Variants in TBC1D4 observed in about 807,000 individuals in gnomAD.
The protein encoded by TBC1D4 is TBC1 domain family member 4, also known as TBC (Tre-2, BUB2, CDC16) domain-containing protein.
Under a neutral mutation model 142.5 loss-of-function variants are expected in TBC1D4, and 121 were observed. The observed-to-expected ratio is 0.85, with a 90% CI of 0.73 to 0.99. The LOEUF (loss-of-function observed/expected upper bound fraction) is 0.99, where lower values mean the gene tolerates loss of function less well. Ranked by LOEUF, TBC1D4 falls within the 50% of genes least tolerant of loss-of-function variation. TBC1D4 has a pLI of 0.00. For missense variants in TBC1D4, 1,475 were observed against 1,606.6 expected, an observed-to-expected ratio of 0.92 and a Z score of 1.40; for synonymous variants, 630 against 628.2, an observed-to-expected ratio of 1.00 and a Z score of -0.04.
intron 1 of TBC1D4, among the ~76,000 whole-genome samples, chr13:75,417,922 T>C (rs2138106522): frequency 6.6e-6 from 1 of 152,316 alleles, no homozygotes; most frequent in South Asian, 2.1e-4. Flanking sequence ...ATCTTCCACA[T>C]TTGTCAACGT....
chr13:75,384,567 A>T (rs1480470315), intron 1 of TBC1D4, among the ~76,000 whole-genome samples: 1 of 147,980 alleles, frequency 6.8e-6, no homozygotes, highest in Non-Finnish European at 1.5e-5. Flanking sequence ...AAAGGAAAAA[A>T]AAAAAGTTTC....
At chr13:75,319,910 T>G in intron 12 of TBC1D4, 104 bp downstream of exon 12, 1 of 1,183,598 alleles carries the variant, frequency 8.4e-7, no homozygotes, top group Non-Finnish European at 1.2e-6. Flanking sequence ...AAAGATGGCA[T>G]GCATTCAGGA....
At chr13:75,452,995 G>A (rs1218157502) in intron 1 of TBC1D4, among the ~76,000 whole-genome samples, 2 of 152,040 alleles carry the variant, frequency 1.3e-5, no homozygotes, top group East Asian at 3.9e-4. Flanking sequence ...AAAAATGTTG[G>A]CAATGGTAGG....
chr13:75,479,600 G>A, intron 1 of TBC1D4, among the ~76,000 whole-genome samples: 1 of 151,926 alleles, frequency 6.6e-6, no homozygotes, highest in East Asian at 1.9e-4. Flanking sequence ...TCGCTGGGGG[G>A]AAATAACTTT....
intron 1 of TBC1D4, among the ~76,000 whole-genome samples, chr13:75,436,549 A>G: frequency 6.6e-6 from 1 of 151,940 alleles, no homozygotes; most frequent in South Asian, 2.1e-4. Context: ...CCAGCTACTC[A>G]GGAGGCTGAG....
intron 1 of TBC1D4, among the ~76,000 whole-genome samples, chr13:75,447,684 A>C (rs1484355238): frequency 8.5e-5 from 13 of 152,130 alleles, no homozygotes; most frequent in Admixed American, 8.5e-4. Flanking sequence ...CAGGTGAGGT[A>C]GCAAACCTTT....
At position 75,454,496 on chromosome 13, in the gene TBC1D4, G is replaced by A. The variant is rs117687861; in HGVS notation, c.498+26774C>T. On this transcript the variant is annotated intron_variant, in intron 1 of 20. Coordinates refer to ENST00000377636, the MANE Select transcript of TBC1D4 (RefSeq NM_014832.5). Reference sequence around the variant, plus strand: ...ATTTATCCTCAATATTTAAAAATACGATTCACATGAAATTACAGCTGCATG... The same window carrying A: ...ATTTATCCTCAATATTTAAAAATACAATTCACATGAAATTACAGCTGCATG... 1.2e-3 allele frequency among the ~76,000 whole-genome samples: 179 copies of A among 152,160 alleles called. 1 individual carries two copies. In the East Asian group the frequency reaches 0.029, roughly 25 times the overall value.
At chr13:75,358,598 C>T (rs1209853122) in intron 3 of TBC1D4, among the ~76,000 whole-genome samples, 3 of 152,044 alleles carry the variant, frequency 2.0e-5, no homozygotes, top group Admixed American at 2.0e-4. Context: ...TTGTTAATCC[C>T]AGCACTTTGG....
At chr13:75,479,609 T>G (rs1435237506) in intron 1 of TBC1D4, among the ~76,000 whole-genome samples, 1 of 151,842 alleles carries the variant, frequency 6.6e-6, no homozygotes, top group Non-Finnish European at 1.5e-5. Flanking sequence ...GGAAATAACT[T>G]TAACAGAAAC....
chr13:75,470,476 T>C (rs990532097), intron 1 of TBC1D4, among the ~76,000 whole-genome samples: 3 of 152,026 alleles, frequency 2.0e-5, no homozygotes, highest in African/African-American at 7.2e-5. Flanking sequence ...GGGGTCAGGG[T>C]TGGGGTCCAG....
At chr13:75,407,014 TG>T (rs1321205446) in intron 1 of TBC1D4, among the ~76,000 whole-genome samples, 3 of 152,088 alleles carry the variant, frequency 2.0e-5, no homozygotes, top group Non-Finnish European at 4.4e-5. Context: ...CAGGCATTCG[TG>T]ATAAACTGAG....
At chr13:75,426,104 A>G (rs1316710127) in intron 1 of TBC1D4, among the ~76,000 whole-genome samples, 5 of 152,184 alleles carry the variant, frequency 3.3e-5, no homozygotes. Flanking sequence ...ATCAATTGAA[A>G]TAAAATTTTT....
intron 8 of TBC1D4, among the ~76,000 whole-genome samples, chr13:75,334,118 TATG>T (rs1432528018): frequency 6.6e-6 from 1 of 152,210 alleles, no homozygotes; most frequent in East Asian, 1.9e-4. Context: ...ATATCTTATT[TATG>T]ATAAAACTTT....
intron 1 of TBC1D4, among the ~76,000 whole-genome samples, chr13:75,370,729 T>C (rs1257689445): frequency 1.3e-5 from 2 of 152,124 alleles, no homozygotes; most frequent in Non-Finnish European, 2.9e-5. Flanking sequence ...CTTATAGACA[T>C]TCAAGAGGAG....
chr13:75,303,700 T>C (rs1473057183), intron 15 of TBC1D4, among the ~76,000 whole-genome samples: 1 of 152,218 alleles, frequency 6.6e-6, no homozygotes, highest in Non-Finnish European at 1.5e-5. Context: ...GAAAGTATTA[T>C]TGTCCGACAG....
chr13:75,364,382 T>C (rs1164436237), intron 1 of TBC1D4, among the ~76,000 whole-genome samples: 3 of 152,260 alleles, frequency 2.0e-5, no homozygotes, highest in South Asian at 4.1e-4. Flanking sequence ...ATTTGGGATA[T>C]ACTGCTAGAA....
intron 1 of TBC1D4, among the ~76,000 whole-genome samples, chr13:75,403,282 G>C (rs956766450): frequency 2.6e-5 from 4 of 152,140 alleles, no homozygotes; most frequent in Non-Finnish European, 5.9e-5. Context: ...AGGGGAGAAA[G>C]GATTAAGATA....
chr13:75,408,189 A>G (rs1255024827), intron 1 of TBC1D4, among the ~76,000 whole-genome samples: 1 of 152,226 alleles, frequency 6.6e-6, no homozygotes, highest in Non-Finnish European at 1.5e-5. Context: ...GACATTTTAT[A>G]TAAATGATGT....
chr13:75,315,815 G>A (rs186067370), intron 12 of TBC1D4, among the ~76,000 whole-genome samples: 83 of 152,272 alleles, frequency 5.5e-4, no homozygotes, highest in Non-Finnish European at 1.1e-3. Flanking sequence ...TGGGAGTCAA[G>A]TCCTAATAGC....
Sources: allele counts gnomAD v4.1 joint callset (sites outside exome capture counted in the v4.1 genomes callset), GRCh38; gene constraint gnomAD v4.1.1; transcripts MANE v1.5; gene names NCBI Gene and HGNC (gene_info 2026-07-23, HGNC 2026-07-21).